Variants in GRIK2 observed in about 807,000 individuals in gnomAD.
The protein encoded by GRIK2 is glutamate ionotropic receptor kainate type subunit 2, also known as glutamate receptor ionotropic, kainate 2.
GRIK2 carries 32 observed loss-of-function variants against 100.3 expected under a neutral mutation model. That is an observed-to-expected ratio of 0.32 (90% CI 0.24 to 0.43). The LOEUF (loss-of-function observed/expected upper bound fraction) is 0.43, where lower values mean the gene tolerates loss of function less well. GRIK2 is among the 20% of genes least tolerant of loss of function. The pLI is 1.00. For synonymous variants in GRIK2, 417 were observed against 389.4 expected, an observed-to-expected ratio of 1.07 and a Z score of -0.83; for missense variants, 843 against 1,114.9, an observed-to-expected ratio of 0.76 and a Z score of 3.47.
At chr6:101,901,923 T>TA (rs1428816123) in intron 12 of GRIK2, among the ~76,000 whole-genome samples, 4 of 151,966 alleles carry the variant, frequency 2.6e-5, no homozygotes, top group Admixed American at 2.6e-4. Context: ...CAATGTTAGG[T>TA]ACAAAAATCC....
intron 7 of GRIK2, among the ~76,000 whole-genome samples, chr6:101,687,526 G>T (rs1342975109): frequency 6.6e-6 from 1 of 151,782 alleles, no homozygotes; most frequent in African/African-American, 2.4e-5. Flanking sequence ...TTCAAAGCTT[G>T]TTTTTGATAC....
At chr6:101,818,046 T>A (rs55634484) in intron 9 of GRIK2, among the ~76,000 whole-genome samples, 1 of 152,198 alleles carries the variant, frequency 6.6e-6, no homozygotes, top group South Asian at 2.1e-4. Flanking sequence ...CAGTAAAAGA[T>A]GTATGCCATT....
At chr6:101,744,419 A>G (rs1004687883) in intron 7 of GRIK2, among the ~76,000 whole-genome samples, 9 of 150,444 alleles carry the variant, frequency 6.0e-5, no homozygotes, top group Admixed American at 5.3e-4. Flanking sequence ...ATGGTCTCCA[A>G]TTCCACGATT....
intron 10 of GRIK2, among the ~76,000 whole-genome samples, chr6:101,851,886 A>G (rs981354550): frequency 6.7e-6 from 1 of 149,944 alleles, no homozygotes; most frequent in Non-Finnish European, 1.5e-5. Context: ...TAATCAAGGA[A>G]GTATGGGAGG....
intron 2 of GRIK2, among the ~76,000 whole-genome samples, chr6:101,592,155 C>T (rs1281800785): frequency 3.3e-5 from 5 of 152,016 alleles, no homozygotes; most frequent in African/African-American, 1.2e-4. Context: ...TCCTGTACAG[C>T]CTGCAGAACC....
intron 2 of GRIK2, among the ~76,000 whole-genome samples, chr6:101,588,186 A>G (rs77288232): frequency 0.057 from 8,663 of 152,186 alleles, 422 homozygotes; most frequent in East Asian, 0.2. Flanking sequence ...AGATGCAACT[A>G]TGAAGCTAAT....
intron 2 of GRIK2, among the ~76,000 whole-genome samples, chr6:101,460,638 T>C (rs1434338533): frequency 1.3e-5 from 2 of 152,176 alleles, no homozygotes; most frequent in Non-Finnish European, 2.9e-5. Context: ...TGCAACCTCA[T>C]CCTGGAGAAA....
intron 2 of GRIK2, among the ~76,000 whole-genome samples, chr6:101,464,497 C>CTTTCTTTTTTTTTTTTTTTTTTT (rs1771513927): frequency 1.6e-5 from 1 of 62,012 alleles, no homozygotes; most frequent in African/African-American, 6.2e-5. Context: ...CTTTTTCTTT[C>CTTTCTTTTTTTTTTTTTTTTTTT]TTTTTTTTTT....
At chr6:101,534,240 C>T (rs1400914333) in intron 2 of GRIK2, among the ~76,000 whole-genome samples, 1 of 151,726 alleles carries the variant, frequency 6.6e-6, no homozygotes, top group African/African-American at 2.4e-5. Flanking sequence ...GAATGACTGG[C>T]ATGAGATTTG....
chr6:101,517,478 A>AT (rs1774645438), intron 2 of GRIK2, among the ~76,000 whole-genome samples: 1 of 152,112 alleles, frequency 6.6e-6, no homozygotes, highest in Non-Finnish European at 1.5e-5. Context: ...ACGATCAAGA[A>AT]TTTTTACCTG....
At chr6:101,724,914 G>A (rs1435268604) in intron 7 of GRIK2, among the ~76,000 whole-genome samples, 1 of 151,928 alleles carries the variant, frequency 6.6e-6, no homozygotes, top group Admixed American at 6.6e-5. Context: ...TACCCCATGG[G>A]TATCTCACTG....
intron 2 of GRIK2, among the ~76,000 whole-genome samples, chr6:101,425,655 C>T (rs932343483): frequency 5.9e-5 from 9 of 152,144 alleles, no homozygotes; most frequent in African/African-American, 2.2e-4. Context: ...AATTTTCTTG[C>T]AATCAACTCA....
intron 14 of GRIK2, among the ~76,000 whole-genome samples, chr6:101,976,898 TG>T (rs980965149): frequency 2.0e-5 from 3 of 149,464 alleles, no homozygotes; most frequent in South Asian, 2.1e-4. Context: ...TACTGAAGAG[TG>T]GGGGAATAGT....
chr6:101,970,584 G>A (rs923467664), intron 14 of GRIK2, among the ~76,000 whole-genome samples: 2 of 151,912 alleles, frequency 1.3e-5, no homozygotes, highest in African/African-American at 4.8e-5. Flanking sequence ...TCATTGTCAT[G>A]TTCTTTAAAG....
intron 12 of GRIK2, among the ~76,000 whole-genome samples, chr6:101,922,578 T>C (rs976093350): frequency 6.6e-6 from 1 of 152,222 alleles, no homozygotes; most frequent in African/African-American, 2.4e-5. Flanking sequence ...CTTGCTATTA[T>C]TGTGTCAAAG....
chr6:101,687,586 A>G (rs1210053128), intron 7 of GRIK2, among the ~76,000 whole-genome samples: 1 of 151,920 alleles, frequency 6.6e-6, no homozygotes, highest in Non-Finnish European at 1.5e-5. Context: ...AAGGTTTTGT[A>G]ATACAAATTG....
rs921306334 is a variant in GRIK2 at position 101,977,356 on chromosome 6, GA to G, written c.2085+48725del. 5.3e-4 allele frequency among the ~76,000 whole-genome samples: 81 copies of G among 151,658 alleles called. 1 individual carries two copies. The highest frequency in any genetic ancestry group is 2.0e-3 in the African/African-American group (81 of 41,234). On this transcript the variant is annotated intron_variant, in intron 14 of 16. Transcript: ENST00000369134. ...GATTTATTGGGAACTATCTATGGGG[GA>G]TAAAGAAGAAGGGGAGGAAGCAGAA...
At chr6:101,731,946 TAGTA>T (rs1174592588) in intron 7 of GRIK2, among the ~76,000 whole-genome samples, 1 of 151,960 alleles carries the variant, frequency 6.6e-6, no homozygotes, top group East Asian at 1.9e-4. Context: ...TTCTCAAAAA[TAGTA>T]AGGGCAAAAA....
At chr6:101,753,672 GAAA>G (rs201664161) in intron 7 of GRIK2, among the ~76,000 whole-genome samples, 9 of 151,066 alleles carry the variant, frequency 6.0e-5, no homozygotes, top group African/African-American at 1.5e-4. Flanking sequence ...GACAAAAAAA[GAAA>G]AAAAAGGAAC....
Sources: allele counts gnomAD v4.1 joint callset (sites outside exome capture counted in the v4.1 genomes callset), GRCh38; gene constraint gnomAD v4.1.1; transcripts MANE v1.5; gene names NCBI Gene and HGNC (gene_info 2026-07-23, HGNC 2026-07-21).